TYRO3: variants seen among roughly 807,000 people sequenced by gnomAD.
The protein encoded by TYRO3 is tyrosine-protein kinase receptor TYRO3.
A neutral mutation model predicts 95.2 loss-of-function variants in TYRO3; 38 were observed. That is an observed-to-expected ratio of 0.40 (90% CI 0.31 to 0.52). TYRO3 has a LOEUF of 0.52. TYRO3 is among the 20% of genes least tolerant of loss of function. TYRO3 has a pLI of 0.56. For missense variants in TYRO3, 812 were observed against 1,116.4 expected (o/e 0.73, Z 3.89); for synonymous variants, 367 against 432.9 (o/e 0.85, Z 1.89).
intron 6 of TYRO3, among the ~76,000 whole-genome samples, chr15:41,565,794 A>AC (rs2055715198): frequency 6.6e-6 from 1 of 151,188 alleles, no homozygotes; most frequent in African/African-American, 2.4e-5. Context: ...GCTCCACCTT[A>AC]CCCCCCAACC....
chr15:41,570,752 G>A (rs1181279296), intron 12 of TYRO3, 53 bp downstream of exon 12: 1 of 1,548,796 alleles, frequency 6.5e-7, no homozygotes, highest in African/African-American at 1.4e-5. Context: ...AGCTGGAAGT[G>A]TTTGGTTGCC....
Position 41,571,617 on chromosome 15 carries a change from C to T in TYRO3, c.1683C>T (p.Asp561=). 1 of 1,613,640 alleles carries T rather than the reference C, an allele frequency of 6.2e-7. No individual in the cohort carries two copies. The highest frequency in any genetic ancestry group is 8.5e-7 in the Non-Finnish European group (1 of 1,179,590). Residue 561 remains aspartate, a synonymous_variant, in exon 14 of 19, where the codon GAC becomes GAT. Coordinates refer to ENST00000263798, the MANE Select transcript of TYRO3 (RefSeq NM_006293.4). The stretch of plus-strand genomic sequence containing the variant: ...TAGCTGACATCATTGCCTCAAGCGA[C>T]ATTGAAGAGTTCCTCAGGGAAGCAG... ...MLKADIIASS[D]IEEFLREAAC... is the part of the protein sequence containing the mutation.
rs749689789 is a variant in TYRO3 at position 41,579,127 on chromosome 15, T to C, written c.*851T>C. The C allele has an allele frequency of 2.6e-5, 4 of 152,320 alleles. No individual in the cohort carries two copies. The highest frequency in any genetic ancestry group is 6.5e-5 in the Admixed American group (1 of 15,276). 9.4% of individuals were successfully genotyped at this position (152,320 alleles called of 1,614,324 possible). A position where few individuals can be genotyped will look rare whatever the true frequency, so the allele number is the denominator to read the frequency against. On this transcript the variant is annotated 3_prime_UTR_variant, in exon 19 of 19. Transcript: ENST00000263798. Reference sequence around the variant, plus strand: ...CCCAACCCTTCTAAACGGTGACCTTTAGTGCCAACTTCCCCTCTAACTGGA... The same window carrying C: ...CCCAACCCTTCTAAACGGTGACCTTCAGTGCCAACTTCCCCTCTAACTGGA...
In TYRO3 at chr15:41,578,113, TG is replaced by T; in HGVS notation, c.2515del (p.Ala839GlnfsTer74). 6.2e-7 allele frequency: 1 copy of T among 1,613,882 alleles called. No homozygotes were observed. Among genetic ancestry groups the T allele is most frequent in the Non-Finnish European group, 8.5e-7 (1 of 1,179,994 alleles). On this transcript the variant is annotated frameshift_variant, in exon 19 of 19. Coordinates refer to ENST00000263798, the MANE Select transcript of TYRO3 (RefSeq NM_006293.4). LOFTEE classifies it high-confidence loss of function. ...PYSGAGDGSG[M>X]GAVGGTPSDC... is the part of the protein sequence containing the mutation. ...AGTGGGGCTGGGGATGGCAGTGGCA[TG>T]GGGGCAGTGGGTGGCACTCCCAGTG... is the stretch of plus-strand genomic sequence containing the variant.
At chr15:41,568,688 G>A (rs2055756069) in intron 8 of TYRO3, among the ~76,000 whole-genome samples, 190 bp from the exon 9 acceptor site, 1 of 152,102 alleles carries the variant, frequency 6.6e-6, no homozygotes, top group African/African-American at 2.4e-5. Flanking sequence ...CCTTGTTTGT[G>A]TTCTGGAGAG....
chr15:41,576,984 G>T (rs900434088), intron 18 of TYRO3, among the ~76,000 whole-genome samples: 1 of 152,118 alleles, frequency 6.6e-6, no homozygotes, highest in Admixed American at 6.5e-5. Flanking sequence ...GAATTACTGA[G>T]TAGGTACTGC....
At position 41,582,190 on chromosome 15, in the gene TYRO3, A is replaced by G. The variant is rs1012952230; in HGVS notation, c.*3914A>G. 6 of 151,920 alleles carry G rather than the reference A, an allele frequency of 3.9e-5. No individual in the cohort carries two copies. Among genetic ancestry groups the G allele is most frequent in the South Asian group, 2.1e-4 (1 of 4,820 alleles). 9.4% of individuals were successfully genotyped at this position (151,920 alleles called of 1,614,324 possible). A position where few individuals can be genotyped will look rare whatever the true frequency, so the allele number is the denominator to read the frequency against. On this transcript the variant is annotated 3_prime_UTR_variant, in exon 19 of 19. Coordinates refer to ENST00000263798, the MANE Select transcript of TYRO3 (RefSeq NM_006293.4). ...AGCAACATGTTTATAAGGATCATCTAACAACAGCAGTTTTGAAAAGTGAGT... is the reference window on the plus strand; with the variant it reads ...AGCAACATGTTTATAAGGATCATCTGACAACAGCAGTTTTGAAAAGTGAGT...
At position 41,572,423 on chromosome 15, in the gene TYRO3, C is replaced by G. The variant is rs745774730; in HGVS notation, c.1754-20C>G. 2 of 1,293,366 alleles carry G rather than the reference C, an allele frequency of 1.5e-6. No individual in the cohort carries two copies. The highest frequency in any genetic ancestry group is 2.9e-5 in the African/African-American group (2 of 69,026). 80.1% of individuals were successfully genotyped at this position (1,293,366 alleles called of 1,614,324 possible). A position where few individuals can be genotyped will look rare whatever the true frequency, so the allele number is the denominator to read the frequency against. ...CCCTTGACCCTTCTATGCTCAGCTC[C>G]TGACTCTCCCTTGTCCCAGGGGTAA... is the stretch of plus-strand genomic sequence containing the variant. On this transcript the variant is annotated intron_variant, in intron 14 of 18. Transcript: ENST00000263798.
At chr15:41,571,163 TAA>T (rs770919127) in intron 13 of TYRO3, 45 bp downstream of exon 13, 1 of 1,588,402 alleles carries the variant, frequency 6.3e-7, no homozygotes, top group Non-Finnish European at 8.6e-7. Context: ...CTTGGAAGGG[TAA>T]GAGGGGCGAC....
chr15:41,567,205 T>A (rs2055733699), intron 6 of TYRO3, among the ~76,000 whole-genome samples, 155 bp from the exon 7 acceptor site: 1 of 152,132 alleles, frequency 6.6e-6, no homozygotes, highest in Non-Finnish European at 1.5e-5. Context: ...TGTGGAACCC[T>A]GTGTATTATT....
chr15:41,577,707 G>C (rs957876906), intron 18 of TYRO3, 179 bp from the exon 19 acceptor site: 9 of 594,950 alleles, frequency 1.5e-5, no homozygotes, highest in African/African-American at 3.7e-5. Context: ...GGCTGGTCTC[G>C]AACTCCTGGG....
intron 5 of TYRO3, 166 bp from the exon 6 acceptor site, chr15:41,564,860 A>G (rs552733745): frequency 3.3e-6 from 2 of 609,690 alleles, no homozygotes; most frequent in African/African-American, 1.8e-5. Context: ...GCTGTGCCCT[A>G]CTGGTTGCTT....
chr15:41,568,763 C>T (rs1439068659), intron 8 of TYRO3, 115 bp from the exon 9 acceptor site: 3 of 1,267,584 alleles, frequency 2.4e-6, no homozygotes, highest in Non-Finnish European at 2.2e-6. Context: ...AGCCCCTGAA[C>T]CCACAGTGCC....
intron 18 of TYRO3, among the ~76,000 whole-genome samples, chr15:41,574,110 T>C (rs979487225): frequency 6.6e-6 from 1 of 152,190 alleles, no homozygotes; most frequent in Non-Finnish European, 1.5e-5. Flanking sequence ...TGAGTAACAG[T>C]GTGGGAGGTT....
In TYRO3 at chr15:41,572,477, C is replaced by A. The variant is rs374311727; in HGVS notation, c.1788C>A (p.Leu596=). 2.5e-6 allele frequency: 4 copies of A among 1,614,112 alleles called. No individual in the cohort carries two copies. The highest frequency in any genetic ancestry group is 3.4e-6 in the Non-Finnish European group (4 of 1,180,054). Residue 596 remains leucine, a synonymous_variant, in exon 15 of 19, where the codon CTC becomes CTA. Transcript: ENST00000263798. Reference sequence around the variant, plus strand: ...TCCGGAGCAGGGCTAAAGGCCGTCTCCCCATCCCCATGGTCATCTTGCCCT... The same window carrying A: ...TCCGGAGCAGGGCTAAAGGCCGTCTACCCATCCCCATGGTCATCTTGCCCT... ...VSLRSRAKGR[L]PIPMVILPFM... is the part of the protein sequence containing the mutation.
Position 41,564,360 on chromosome 15 carries a change from T to A in TYRO3, c.667+90T>A, listed in dbSNP as rs2055695120. 3 of 1,310,938 alleles carry A rather than the reference T, an allele frequency of 2.3e-6. 1 individual carries two copies. The highest frequency in any genetic ancestry group is 2.4e-5 in the South Asian group (2 of 82,546). 81.2% of individuals were successfully genotyped at this position (1,310,938 alleles called of 1,614,324 possible). ...AGTTAGAATCATTCTGTGTTCCAGC[T>A]CCCCTTGTGGTCCTGCTGGGATCTA... On this transcript the variant is annotated intron_variant, in intron 5 of 18. Transcript: ENST00000263798.
rs971951671 is a variant in TYRO3, at chr15:41,576,645, C to CTT, written c.2283-1218_2283-1217dup. Among the ~76,000 whole-genome samples the CTT allele has an allele frequency of 4.0e-3, 404 of 100,954 alleles. 3 individuals carry two copies. The highest frequency in any genetic ancestry group is 0.016 in the African/African-American group (376 of 23,630). 66.2% of individuals were successfully genotyped at this position (100,954 alleles called of 152,430 possible). A position where few individuals can be genotyped will look rare whatever the true frequency, so the allele number is the denominator to read the frequency against. Reference sequence around the variant, plus strand: ...CACCTGGCCTGATTCAGTAGGTTTCCTTTTTTTTTTTTTTTTTTTTTTTTA... The same window carrying CTT: ...CACCTGGCCTGATTCAGTAGGTTTCCTTTTTTTTTTTTTTTTTTTTTTTTTTA... On this transcript the variant is annotated intron_variant, in intron 18 of 18. Coordinates refer to ENST00000263798, the MANE Select transcript of TYRO3 (RefSeq NM_006293.4).
intron 7 of TYRO3, 60 bp from the exon 8 acceptor site, chr15:41,568,157 C>A: frequency 6.2e-7 from 1 of 1,601,220 alleles, no homozygotes; most frequent in Non-Finnish European, 8.5e-7. Context: ...CAAAGGTCTG[C>A]ATGGAATTAT....
rs751147180 is a variant in TYRO3, at chr15:41,568,245, T to C, written c.990T>C (p.His330=). 9 of 1,612,788 alleles carry C rather than the reference T, an allele frequency of 5.6e-6. No individual in the cohort carries two copies. Among genetic ancestry groups the C allele is most frequent in the South Asian group, 1.1e-5 (1 of 91,014 alleles). The change falls in exon 8 of 19, where the codon CAT becomes CAC. Residue 330 remains histidine (H), a synonymous_variant. Coordinates refer to ENST00000263798, the MANE Select transcript of TYRO3 (RefSeq NM_006293.4). The part of the protein sequence containing the change: ...LAPASAPQNL[H]AIRTDSGLIL... Reference sequence around the variant, plus strand: ...CAGCCAGCGCTCCCCAAAACCTCCATGCCATCCGCACAGATTCAGGCCTCA... The same window carrying C: ...CAGCCAGCGCTCCCCAAAACCTCCACGCCATCCGCACAGATTCAGGCCTCA...
Sources: allele counts gnomAD v4.1 joint callset (sites outside exome capture counted in the v4.1 genomes callset), GRCh38; gene constraint gnomAD v4.1.1; transcripts MANE v1.5; gene names NCBI Gene and HGNC (gene_info 2026-07-23, HGNC 2026-07-21).